Variants in TMEM178B observed in about 807,000 individuals in gnomAD.
The protein encoded by TMEM178B is transmembrane protein 178B.
TMEM178B carries 5 observed loss-of-function variants against 31.0 expected under a neutral mutation model. That is an observed-to-expected ratio of 0.16 (90% CI 0.08 to 0.34). The LOEUF (loss-of-function observed/expected upper bound fraction) is 0.34. TMEM178B is among the 10% of genes least tolerant of loss of function. The pLI is 1.00. For synonymous variants in TMEM178B, 164 were observed against 164.0 expected, an observed-to-expected ratio of 1.00 and a Z score of 0.00; for missense variants, 275 against 400.3, an observed-to-expected ratio of 0.69 and a Z score of 2.67.
intron 2 of TMEM178B, among the ~76,000 whole-genome samples, chr7:141,434,572 A>G (rs1038331737): frequency 3.9e-5 from 6 of 152,222 alleles, no homozygotes; most frequent in African/African-American, 1.2e-4. Context: ...ATAATGATCA[A>G]GTCGGGATAT....
chr7:141,475,982 A>C lies in TMEM178B; in HGVS notation c.*5196A>C, dbSNP rs995556968. 4.6e-5 allele frequency: 7 copies of C among 152,190 alleles called. No individual in the cohort carries two copies. The highest frequency in any genetic ancestry group is 9.7e-5 in the African/African-American group (4 of 41,450). The allele number at this position is 152,190 out of a possible 1,614,324, so 9.4% of individuals were successfully genotyped here. On this transcript the variant is annotated 3_prime_UTR_variant, in exon 4 of 4. Coordinates refer to ENST00000565468, the MANE Select transcript of TMEM178B (RefSeq NM_001195278.2). ...GAACTTCCTCATCTACAAAATGAGG[A>C]TAAGTGATAACACCTTACCTCATGG...
chr7:141,105,602 C>T (rs1795131207), intron 1 of TMEM178B, among the ~76,000 whole-genome samples: 2 of 152,196 alleles, frequency 1.3e-5, no homozygotes, highest in African/African-American at 2.4e-5. Context: ...ATTAAAAGCA[C>T]TCTTCTCCCT....
intron 2 of TMEM178B, among the ~76,000 whole-genome samples, chr7:141,410,613 C>T (rs995425851): frequency 6.6e-6 from 1 of 151,868 alleles, no homozygotes; most frequent in East Asian, 1.9e-4. Context: ...CATCCTCTGG[C>T]CTGGTACCTG....
chr7:141,284,840 A>G (rs534720824), intron 2 of TMEM178B, among the ~76,000 whole-genome samples: 1 of 152,286 alleles, frequency 6.6e-6, no homozygotes, highest in African/African-American at 2.4e-5. Flanking sequence ...ATCAAGGGTT[A>G]TTGGAAACTG....
intron 1 of TMEM178B, among the ~76,000 whole-genome samples, chr7:141,183,353 A>C (rs1258612608): frequency 6.6e-6 from 1 of 152,176 alleles, no homozygotes; most frequent in Non-Finnish European, 1.5e-5. Flanking sequence ...TTGAAAATGC[A>C]CAGGAAATTA....
intron 1 of TMEM178B, among the ~76,000 whole-genome samples, chr7:141,102,130 A>G (rs1795069216): frequency 6.6e-6 from 1 of 152,182 alleles, no homozygotes; most frequent in African/African-American, 2.4e-5. Context: ...TATTGCCTGC[A>G]ATGCAGAGAT....
At position 141,470,761 on chromosome 7, in the gene TMEM178B, G is replaced by C; in HGVS notation, c.860G>C (p.Arg287Thr). Residue 287 changes from arginine (R) to threonine (T), a missense_variant, in exon 4 of 4, where the codon AGA becomes ACA. Transcript: ENST00000565468. The part of the protein sequence containing the change: ...PVPRTNYPKS[R>T]PENGTVC Reference sequence around the variant, plus strand: ...CCGAGGACCAACTACCCTAAATCCAGACCCGAGAATGGGACAGTGTGCTAA... The same window carrying C: ...CCGAGGACCAACTACCCTAAATCCACACCCGAGAATGGGACAGTGTGCTAA... 1.3e-6 allele frequency: 2 copies of C among 1,522,578 alleles called. No homozygotes were observed. The highest frequency in any genetic ancestry group is 1.8e-6 in the Non-Finnish European group (2 of 1,140,694). The allele number at this position is 1,522,578 out of a possible 1,614,324, so 94.3% of individuals were successfully genotyped here.
In TMEM178B at chr7:141,309,998, G is replaced by A. The variant is rs145732146; in HGVS notation, c.496+97294G>A. On this transcript the variant is annotated intron_variant, in intron 2 of 3. Transcript: ENST00000565468. Reference sequence around the variant, plus strand: ...ATAAAAATCCTAGAAGAAAATCTAGGCAATAACATTCAGGCTATAGGCATG... The same window carrying A: ...ATAAAAATCCTAGAAGAAAATCTAGACAATAACATTCAGGCTATAGGCATG... 8.5e-3 allele frequency among the ~76,000 whole-genome samples: 1,292 copies of A among 152,134 alleles called. 19 individuals are homozygous for A. Among genetic ancestry groups the A allele is most frequent in the African/African-American group, 0.029 (1,215 of 41,510 alleles).
chr7:141,190,909 C>T (rs1796686663), intron 1 of TMEM178B, among the ~76,000 whole-genome samples: 1 of 152,126 alleles, frequency 6.6e-6, no homozygotes, highest in African/African-American at 2.4e-5. Flanking sequence ...CACCTCTTTC[C>T]CTTTTTTTTA....
Position 141,470,581 on chromosome 7 carries a change from A to C in TMEM178B, c.680A>C (p.Asn227Thr), listed in dbSNP as rs1226727578. ...ISLCTCVAGI[N>T]FELSRYPRYL... ...CTGTGCACCTGTGTGGCCGGGATCA[A>C]CTTTGAGCTGTCACGCTACCCACGC... The change falls in exon 4 of 4, where the codon AAC becomes ACC. Residue 227 changes from asparagine (N) to threonine (T), a missense_variant. Transcript: ENST00000565468. 2.0e-6 allele frequency: 3 copies of C among 1,534,250 alleles called. No homozygotes were observed. Among genetic ancestry groups the C allele is most frequent in the Non-Finnish European group, 2.6e-6 (3 of 1,146,224 alleles).
intron 2 of TMEM178B, among the ~76,000 whole-genome samples, chr7:141,292,464 G>GAAAA (rs1365320190): frequency 7.9e-5 from 12 of 152,064 alleles, no homozygotes. Context: ...GCTTGCCCTT[G>GAAAA]CAAGCTCATC....
chr7:141,497,570 A>G, the TMEM178B span, among the ~76,000 whole-genome samples: 1 of 152,144 alleles, frequency 6.6e-6, no homozygotes, highest in South Asian at 2.1e-4. Flanking sequence ...CTATAAATAC[A>G]GTCTGGTATC....
chr7:141,354,745 C>A (rs950846570), intron 2 of TMEM178B, among the ~76,000 whole-genome samples: 9 of 152,150 alleles, frequency 5.9e-5, no homozygotes, highest in Non-Finnish European at 1.3e-4. Context: ...TTTGTTCACT[C>A]CCTTTAGTTC....
chr7:141,407,238 A>T (rs545671893), intron 2 of TMEM178B, among the ~76,000 whole-genome samples: 1 of 152,248 alleles, frequency 6.6e-6, no homozygotes, highest in African/African-American at 2.4e-5. Flanking sequence ...GCTGTTTAGC[A>T]TCCATGGGTG....
intron 2 of TMEM178B, among the ~76,000 whole-genome samples, chr7:141,228,393 T>C (rs1048462298): frequency 4.6e-5 from 7 of 152,114 alleles, no homozygotes; most frequent in African/African-American, 1.2e-4. Flanking sequence ...TTCTTTCTTT[T>C]TTTTTTTAGA....
rs1799594036 is a variant in TMEM178B at position 141,344,964 on chromosome 7, A to C, written c.497-92644A>C. Among the ~76,000 whole-genome samples the C allele has an allele frequency of 6.6e-6, 1 of 152,222 alleles. No homozygotes were observed. Among genetic ancestry groups the C allele is most frequent in the Non-Finnish European group, 1.5e-5 (1 of 68,038 alleles). On this transcript the variant is annotated intron_variant, in intron 2 of 3. Coordinates refer to ENST00000565468, the MANE Select transcript of TMEM178B (RefSeq NM_001195278.2). This position sits in a 1 kb window ranked among gnomAD's most constrained non-coding sequence, Gnocchi z 4.1. Reference sequence around the variant, plus strand: ...ATTATTTAATTACTAAGCATGAGTTAATAGCTAACAAGATGTAGTAAAGAA... The same window carrying C: ...ATTATTTAATTACTAAGCATGAGTTCATAGCTAACAAGATGTAGTAAAGAA...
Position 141,479,960 on chromosome 7 carries a change from T to A in TMEM178B, c.*9174T>A, listed in dbSNP as rs1035506507. On this transcript the variant is annotated 3_prime_UTR_variant, in exon 4 of 4. Coordinates refer to ENST00000565468, the MANE Select transcript of TMEM178B (RefSeq NM_001195278.2). ...TTCTGATATGATGTGAATAAATGTG[T>A]TGTTTAATCTTAACAAGAATGCTAC... The A allele has an allele frequency of 1.5e-4, 23 of 152,232 alleles. 1 individual carries two copies. The highest frequency in any genetic ancestry group is 1.5e-5 in the Non-Finnish European group (1 of 68,022). The allele number at this position is 152,232 out of a possible 1,614,324, so 9.4% of individuals were successfully genotyped here.
At chr7:141,309,109 A>G (rs752659831) in intron 2 of TMEM178B, among the ~76,000 whole-genome samples, 2 of 152,228 alleles carry the variant, frequency 1.3e-5, no homozygotes, top group African/African-American at 2.4e-5. Flanking sequence ...GATTGCAACA[A>G]TAATACATTT....
At chr7:141,142,712 A>AT (rs1423249498) in intron 1 of TMEM178B, among the ~76,000 whole-genome samples, 29 of 152,136 alleles carry the variant, frequency 1.9e-4, no homozygotes, top group Non-Finnish European at 3.7e-4. Flanking sequence ...CGGCCGAACA[A>AT]TTTATTTTCA....
Sources: allele counts gnomAD v4.1 joint callset (sites outside exome capture counted in the v4.1 genomes callset), GRCh38; gene constraint gnomAD v4.1.1; non-coding constraint Gnocchi (gnomAD v3.1); transcripts MANE v1.5; gene names NCBI Gene and HGNC (gene_info 2026-07-23, HGNC 2026-07-21).